Variants in APC observed in about 807,000 individuals in gnomAD.
APC encodes the protein adenomatous polyposis coli protein.
A neutral mutation model predicts 247.0 loss-of-function variants in APC; 72 were observed. The ratio of observed to expected loss-of-function variants is 0.29; its 90% confidence interval spans 0.24 to 0.35. The LOEUF (loss-of-function observed/expected upper bound fraction) is 0.35. APC is among the 10% of genes least tolerant of loss of function. The probability of loss-of-function intolerance (pLI) is 1.00; values close to 1 mark genes in which losing one functional copy is unlikely to be tolerated. For missense variants in APC, 3,400 were observed against 3,360.7 expected (o/e 1.01, Z -0.29); for synonymous variants, 1,254 against 1,162.5 (o/e 1.08, Z -1.60).
In APC at chr5:112,842,922, T is replaced by C. The variant is rs2149984671; in HGVS notation, c.7328T>C (p.Phe2443Ser). The C allele has an allele frequency of 6.2e-7, 1 of 1,614,074 alleles. No homozygotes were observed. The highest frequency in any genetic ancestry group is 8.5e-7 in the Non-Finnish European group (1 of 1,179,930). ...CCTGTATTAGTACGCCAGTCAACTT[T>C]CATCAAAGAAGCTCCAAGCCCAACC... ...ERPVLVRQST[F>S]IKEAPSPTLR... The change falls in exon 16 of 16, where the codon TTC (phenylalanine) becomes TCC (serine). Residue 2443 changes from phenylalanine to serine, a missense_variant. By Grantham distance (155) the Phe-to-Ser change is radical. Around this residue, in one of 9 missense-constraint regions of APC, gnomAD observed 1,788 missense variants for 1,649.5 expected, o/e 1.08. Transcript: ENST00000257430.
chr5:112,810,834 G>A (rs976304965), intron 8 of APC, among the ~76,000 whole-genome samples: 4 of 152,170 alleles, frequency 2.6e-5, no homozygotes, highest in African/African-American at 9.7e-5. Flanking sequence ...AGACCAGCCT[G>A]GCCAACATGG....
At chr5:112,794,680 A>G (rs759486088) in intron 7 of APC, among the ~76,000 whole-genome samples, 13 of 152,076 alleles carry the variant, frequency 8.5e-5, no homozygotes, top group Non-Finnish European at 1.6e-4. Flanking sequence ...CACAGCCCCA[A>G]CAGGTTAAGA....
chr5:112,830,417 G>C (rs543246228), intron 14 of APC, among the ~76,000 whole-genome samples: 1 of 152,268 alleles, frequency 6.6e-6, no homozygotes, highest in African/African-American at 2.4e-5. Context: ...CATTTTCAAG[G>C]ATGTTGAGCA....
At chr5:112,793,823 A>G (rs984976832) in intron 7 of APC, among the ~76,000 whole-genome samples, 1 of 152,186 alleles carries the variant, frequency 6.6e-6, no homozygotes, top group Non-Finnish European at 1.5e-5. Flanking sequence ...GTATAAGAAT[A>G]ATCCTACACT....
Position 112,844,453 on chromosome 5 carries a change from TATG to T in APC, c.*330_*332del, listed in dbSNP as rs1176592530. ...AATAATGAACACTACAGATAGAAAA[TATG>T]ATATATTGCTGTTATCAATCATTTC... On this transcript the variant is annotated 3_prime_UTR_variant, in exon 16 of 16. Transcript: ENST00000257430. 1 of 292,912 alleles carries T rather than the reference TATG, an allele frequency of 3.4e-6. No homozygotes were observed. The highest frequency in any genetic ancestry group is 2.2e-5 in the African/African-American group (1 of 46,480). The allele number at this position is 292,912 out of a possible 1,614,324, so 18.1% of individuals were successfully genotyped here.
chr5:112,806,408 C>G (rs910060474), intron 8 of APC, among the ~76,000 whole-genome samples: 1 of 152,052 alleles, frequency 6.6e-6, no homozygotes, highest in African/African-American at 2.4e-5. Flanking sequence ...AATATCCCTG[C>G]TAAAGAAAGG....
At position 112,841,599 on chromosome 5, in the gene APC, C is replaced by G. The variant is rs776504812; in HGVS notation, c.6005C>G (p.Pro2002Arg). ...GACTCACAGGGAGAACCAAGTAAAC[C>G]TCAAGCATCAGGCTATGCTCCTAAA... ...PPDSQGEPSK[P>R]QASGYAPKSF... Residue 2002 changes from proline (P) to arginine (R), a missense_variant, in exon 16 of 16, where the codon CCT (proline) becomes CGT (arginine). Pro to Arg is a moderately radical substitution (Grantham distance 103). Coordinates refer to ENST00000257430, the MANE Select transcript of APC (RefSeq NM_000038.6). The surrounding 1 kb of genome is among the most constrained non-coding windows in gnomAD (Gnocchi z 4.6). 6.2e-7 allele frequency: 1 copy of G among 1,613,496 alleles called. No individual in the cohort carries two copies.
intron 11 of APC, among the ~76,000 whole-genome samples, chr5:112,822,203 C>A (rs958321106): frequency 6.6e-6 from 1 of 152,072 alleles, no homozygotes; most frequent in East Asian, 1.9e-4. Flanking sequence ...GAAACTGCTA[C>A]CCTGTCATAA....
chr5:112,829,045 A>G (rs551857320), intron 14 of APC, 73 bp downstream of exon 14: 3 of 1,033,248 alleles, frequency 2.9e-6, no homozygotes, highest in African/African-American at 1.6e-5. Flanking sequence ...TCTTTTAGCC[A>G]TGAGATTTCC....
chr5:112,725,867 A>G (rs572704506), intron 1 of APC, among the ~76,000 whole-genome samples: 1 of 152,368 alleles, frequency 6.6e-6, no homozygotes, highest in South Asian at 2.1e-4. Context: ...CCTTCTTCAG[A>G]AAAAGATTAG....
chr5:112,805,531 C>A (rs1319484081), intron 8 of APC, among the ~76,000 whole-genome samples: 3 of 152,200 alleles, frequency 2.0e-5, no homozygotes, highest in Non-Finnish European at 4.4e-5. Flanking sequence ...CTAATACTAT[C>A]TGGTTACTTT....
intron 1 of APC, among the ~76,000 whole-genome samples, chr5:112,747,207 G>A (rs1753784762): frequency 6.6e-6 from 1 of 150,964 alleles, no homozygotes; most frequent in South Asian, 2.1e-4. Context: ...TAAATTTGAT[G>A]TGAAAGATAC....
intron 11 of APC, among the ~76,000 whole-genome samples, chr5:112,824,704 G>A (rs1222387130): frequency 6.6e-6 from 1 of 152,030 alleles, no homozygotes; most frequent in African/African-American, 2.4e-5. Context: ...TTTTGTTTTG[G>A]TATTGATCCT....
intron 1 of APC, among the ~76,000 whole-genome samples, chr5:112,752,812 T>C (rs1410034594): frequency 6.6e-6 from 1 of 152,144 alleles, no homozygotes; most frequent in East Asian, 1.9e-4. Flanking sequence ...TCCATAAAGT[T>C]AGATTCTTTC....
At chr5:112,736,295 C>T (rs1237637615), upstream of APC, among the ~76,000 whole-genome samples, 1 of 152,020 alleles carries the variant, frequency 6.6e-6, no homozygotes, top group Non-Finnish European at 1.5e-5. Context: ...TATATTTAAA[C>T]TTTTAATAGA....
intron 1 of APC, among the ~76,000 whole-genome samples, chr5:112,742,389 G>A (rs921280606): frequency 6.6e-6 from 1 of 152,062 alleles, no homozygotes; most frequent in Non-Finnish European, 1.5e-5. Flanking sequence ...ATAACAAATT[G>A]TACCAAAACT....
chr5:112,816,952 C>A lies in APC; in HGVS notation c.933+1359C>A, dbSNP rs2431240. The stretch of plus-strand genomic sequence containing the variant: ...GGCACGATCTTGGCTCACTGCAACC[C>A]CCACCTCCAGGGTTTAAGTGATTCT... On this transcript the variant is annotated intron_variant, in intron 9 of 15. Transcript: ENST00000257430. Among the ~76,000 whole-genome samples, 3 of 151,212 alleles carry A rather than the reference C, an allele frequency of 2.0e-5. No individual in the cohort carries two copies. In the South Asian group the frequency reaches 6.3e-4, roughly 32 times the overall value.
At chr5:112,729,827 G>T (rs780685591) in intron 1 of APC, among the ~76,000 whole-genome samples, 2 of 152,184 alleles carry the variant, frequency 1.3e-5, no homozygotes, top group Non-Finnish European at 2.9e-5. Context: ...GCCACATTTT[G>T]CATGCATAAG....
Position 112,766,143 on chromosome 5 carries a change from A to G in APC, c.136-183A>G, listed in dbSNP as rs34765560. On this transcript the variant is annotated intron_variant, in intron 2 of 15. Coordinates refer to ENST00000257430, the MANE Select transcript of APC (RefSeq NM_000038.6). ...CCCATAATCACCATTATCTCAAAAT[A>G]TCACTATTATTATTTGGCCATGATT... is the stretch of plus-strand genomic sequence containing the variant. 8.0e-3 allele frequency among the ~76,000 whole-genome samples: 1,220 copies of G among 152,276 alleles called. 6 individuals carry two copies. The highest frequency in any genetic ancestry group is 0.014 in the Middle Eastern group (4 of 294).
Sources: gnomAD v4.1 joint callset for allele counts (sites outside exome capture counted in the v4.1 genomes callset) on GRCh38, gnomAD v4.1.1 for gene constraint, gnomAD v4.1.1 regional missense constraint, Gnocchi (gnomAD v3.1) non-coding constraint, MANE v1.5 for transcripts, NCBI Gene and HGNC (gene_info 2026-07-23, HGNC 2026-07-21) for gene names.